PPP1R16B: variants seen among roughly 807,000 people sequenced by gnomAD.
The protein encoded by PPP1R16B is protein phosphatase 1 regulatory subunit 16B, also known as protein phosphatase 1 regulatory inhibitor subunit 16B.
PPP1R16B carries 14 observed loss-of-function variants against 61.7 expected under a neutral mutation model. That is an observed-to-expected ratio of 0.23 (90% CI 0.15 to 0.35). The LOEUF (loss-of-function observed/expected upper bound fraction) is 0.35, where lower values mean the gene tolerates loss of function less well. Ranked by LOEUF, PPP1R16B falls within the 10% of genes least tolerant of loss-of-function variation. The probability of loss-of-function intolerance (pLI) is 1.00; values close to 1 mark genes in which losing one functional copy is unlikely to be tolerated. For missense variants in PPP1R16B, 547 were observed against 752.5 expected, an observed-to-expected ratio of 0.73 and a Z score of 3.19; for synonymous variants, 266 against 305.3, an observed-to-expected ratio of 0.87 and a Z score of 1.34.
chr20:38,879,603 G>A (rs140903650), intron 2 of PPP1R16B, among the ~76,000 whole-genome samples: 121 of 152,290 alleles, frequency 7.9e-4, no homozygotes, highest in African/African-American at 2.8e-3. Context: ...TTTGTTGAGT[G>A]CTTTCTCTAG....
chr20:38,897,199 C>T (rs983949788), intron 4 of PPP1R16B, among the ~76,000 whole-genome samples: 23 of 151,906 alleles, frequency 1.5e-4, no homozygotes, highest in African/African-American at 3.6e-4. Context: ...TGGTGGCTCA[C>T]GCCTGTAATC....
At chr20:38,859,441 C>G (rs1158871006) in intron 2 of PPP1R16B, among the ~76,000 whole-genome samples, 2 of 152,198 alleles carry the variant, frequency 1.3e-5, no homozygotes, top group Admixed American at 6.5e-5. Context: ...TATGGCTCTG[C>G]CCGCTAGATC....
chr20:38,828,199 A>C (rs930264697), intron 1 of PPP1R16B, among the ~76,000 whole-genome samples: 4 of 152,250 alleles, frequency 2.6e-5, no homozygotes, highest in Admixed American at 6.5e-5. Flanking sequence ...AGAATTAAGC[A>C]GTCACAAAGC....
At chr20:38,855,982 AAGGAGGAG>A (rs2085006378) in intron 2 of PPP1R16B, among the ~76,000 whole-genome samples, 83 of 41,496 alleles carry the variant, frequency 2.0e-3, no homozygotes, top group African/African-American at 4.9e-3. Context: ...AGAGAGAGAG[AAGGAGGAG>A]GAGAGAGACC....
At chr20:38,832,668 G>C (rs6015966) in intron 1 of PPP1R16B, among the ~76,000 whole-genome samples, 112,752 of 151,988 alleles carry the variant, frequency 0.74, 42,119 homozygotes, top group African/African-American at 0.84. Context: ...CCTGTAATCT[G>C]AGCACTTTGG....
At chr20:38,854,512 T>C (rs185062448) in intron 2 of PPP1R16B, among the ~76,000 whole-genome samples, 15 of 152,290 alleles carry the variant, frequency 9.8e-5, no homozygotes, top group African/African-American at 3.6e-4. Flanking sequence ...TCTTTCAAAA[T>C]GTGGATGACA....
At chr20:38,816,437 G>A (rs1231008633) in intron 1 of PPP1R16B, among the ~76,000 whole-genome samples, 1 of 152,174 alleles carries the variant, frequency 6.6e-6, no homozygotes, top group Admixed American at 6.5e-5. Context: ...ACAGGCCTGT[G>A]GTAGAGTGGA....
chr20:38,913,264 T>G (rs556588838), intron 10 of PPP1R16B, among the ~76,000 whole-genome samples: 19 of 142,688 alleles, frequency 1.3e-4, no homozygotes, highest in East Asian at 2.0e-4. Context: ...GTCATTGGTG[T>G]TTTTTTTTAA....
Position 38,860,040 on chromosome 20 carries a change from C to G in PPP1R16B, c.250+23865C>G, listed in dbSNP as rs139624816. On this transcript the variant is annotated intron_variant, in intron 2 of 10. Coordinates refer to ENST00000299824, the MANE Select transcript of PPP1R16B (RefSeq NM_015568.4). ...CCAGGCTGGAGTGCAATGATGCAAT[C>G]TAGGCTCACTGCAACCTCCACCTTC... is the stretch of plus-strand genomic sequence containing the variant. Among the ~76,000 whole-genome samples, 250 of 152,288 alleles carry G rather than the reference C, an allele frequency of 1.6e-3. 2 individuals carry two copies. The highest frequency in any genetic ancestry group is 4.7e-3 in the African/African-American group (196 of 41,572).
chr20:38,857,926 T>A (rs925367798), intron 2 of PPP1R16B, among the ~76,000 whole-genome samples: 1 of 152,026 alleles, frequency 6.6e-6, no homozygotes, highest in African/African-American at 2.4e-5. Context: ...AAAAAAATTA[T>A]AGACTGGGTG....
intron 2 of PPP1R16B, among the ~76,000 whole-genome samples, chr20:38,861,589 C>G (rs1162432119): frequency 6.6e-6 from 1 of 152,084 alleles, no homozygotes; most frequent in Non-Finnish European, 1.5e-5. Context: ...CATCTTCTTC[C>G]CCCCCACCCT....
chr20:38,892,041 T>G (rs934570177), intron 3 of PPP1R16B, among the ~76,000 whole-genome samples: 5 of 151,402 alleles, frequency 3.3e-5, no homozygotes, highest in Non-Finnish European at 7.4e-5. Flanking sequence ...TGTCTTATTA[T>G]ACCGTGCAAC....
intron 10 of PPP1R16B, among the ~76,000 whole-genome samples, chr20:38,910,665 C>T (rs960293835): frequency 6.6e-6 from 1 of 151,744 alleles, no homozygotes; most frequent in African/African-American, 2.4e-5. Flanking sequence ...TCTTGGGTAG[C>T]TGGGACTATA....
intron 4 of PPP1R16B, among the ~76,000 whole-genome samples, chr20:38,900,046 G>A (rs374528410): frequency 1.3e-5 from 2 of 152,136 alleles, no homozygotes; most frequent in African/African-American, 2.4e-5. Flanking sequence ...CGCCCGCCTC[G>A]CCCTCCCAAA....
intron 1 of PPP1R16B, among the ~76,000 whole-genome samples, chr20:38,826,062 T>C (rs1295320867): frequency 6.6e-6 from 1 of 152,142 alleles, no homozygotes; most frequent in Non-Finnish European, 1.5e-5. Flanking sequence ...AAGGCAGGGA[T>C]TAGAGGCCAC....
chr20:38,890,678 G>A (rs742421), intron 3 of PPP1R16B, among the ~76,000 whole-genome samples: 18,998 of 152,278 alleles, frequency 0.12, 1,342 homozygotes, highest in East Asian at 0.31. Context: ...GCTTATGAGT[G>A]TGTCCTAGCA....
At chr20:38,842,612 T>A (rs577379957) in intron 2 of PPP1R16B, among the ~76,000 whole-genome samples, 1 of 152,168 alleles carries the variant, frequency 6.6e-6, no homozygotes, top group African/African-American at 2.4e-5. Flanking sequence ...AGAAACCCAA[T>A]ATGTAAAACA....
chr20:38,833,875 A>C (rs909528585), intron 1 of PPP1R16B, among the ~76,000 whole-genome samples: 6 of 152,240 alleles, frequency 3.9e-5, no homozygotes, highest in Non-Finnish European at 5.9e-5. Context: ...ATTTAGCCTG[A>C]GCCCTGCTCT....
chr20:38,855,982 A>AGAGAAGGAATAGGAGGAGGAGGAGGAGG, intron 2 of PPP1R16B, among the ~76,000 whole-genome samples: 1 of 41,566 alleles, frequency 2.4e-5, no homozygotes, highest in Non-Finnish European at 3.9e-5. Flanking sequence ...AGAGAGAGAG[A>AGAGAAGGAATAGGAGGAGGAGGAGGAGG]AGGAGGAGGA....
Sources: gnomAD v4.1 joint callset for allele counts (sites outside exome capture counted in the v4.1 genomes callset) on GRCh38, gnomAD v4.1.1 for gene constraint, MANE v1.5 for transcripts, NCBI Gene and HGNC (gene_info 2026-07-23, HGNC 2026-07-21) for gene names.